The following INTS4 variants were observed in gnomAD, a reference collection of about 807,000 sequenced individuals.
The protein encoded by INTS4 is MSTP093.
INTS4 carries 70 observed loss-of-function variants against 119.5 expected under a neutral mutation model. That is an observed-to-expected ratio of 0.59 (90% CI 0.48 to 0.71). The LOEUF (loss-of-function observed/expected upper bound fraction) is 0.71, where lower values mean the gene tolerates loss of function less well. INTS4 is among the 30% of genes least tolerant of loss of function. The pLI, the probability that INTS4 is intolerant of heterozygous loss-of-function variation, is 0.00. For synonymous variants in INTS4, 316 were observed against 419.6 expected, an observed-to-expected ratio of 0.75 and a Z score of 3.02; for missense variants, 867 against 1,173.2, an observed-to-expected ratio of 0.74 and a Z score of 3.81.
Position 77,994,609 on chromosome 11 carries a change from T to G in INTS4, c.35A>C (p.Glu12Ala), listed in dbSNP as rs1856828038. ...AAHLKKRVYE[E>A]FTKVVQPQEE... ...GCTTACCTGAACCACTTTCGTGAAT[T>G]CCTCATAAACCCGCTTCTTAAGGTG... The change falls in exon 1 of 23, where the codon GAA becomes GCA. Residue 12 changes from glutamate (E) to alanine (A), a missense_variant. By Grantham distance (107) the Glu-to-Ala change is moderately radical. Around this residue, in one of 5 missense-constraint regions of INTS4, gnomAD observed 224 missense variants for 231.8 expected, o/e 0.97. Transcript: ENST00000534064. The G allele has an allele frequency of 6.2e-7, 1 of 1,613,938 alleles. No homozygotes were observed. The highest frequency in any genetic ancestry group is 1.3e-5 in the African/African-American group (1 of 74,930).
chr11:77,994,467 A>T (rs1409060470), intron 1 of INTS4, 123 bp downstream of exon 1: 10 of 756,114 alleles, frequency 1.3e-5, no homozygotes, highest in Non-Finnish European at 2.1e-5. Context: ...AATATCAGAG[A>T]TTATCAACAA....
chr11:77,897,310 G>A (rs942267137), intron 18 of INTS4, among the ~76,000 whole-genome samples: 4 of 151,294 alleles, frequency 2.6e-5, no homozygotes, highest in African/African-American at 7.3e-5. Context: ...CCTGGACAAC[G>A]CAGTGAAACC....
intron 7 of INTS4, among the ~76,000 whole-genome samples, chr11:77,957,663 C>CTTTTTT (rs1159914263): frequency 1.8e-5 from 2 of 110,708 alleles, no homozygotes; most frequent in African/African-American, 3.4e-5. Context: ...AACTGAACTT[C>CTTTTTT]TTTTTTTTTT....
At position 77,975,942 on chromosome 11, in the gene INTS4, C is replaced by T. The variant is rs189488915; in HGVS notation, c.471+3054G>A. On this transcript the variant is annotated intron_variant, in intron 4 of 22. Transcript: ENST00000534064. ...CTGCACTCCAGCCTGGGTGACAGAG[C>T]GAGACTCTATCTCAAAAAAAAAAAA... Among the ~76,000 whole-genome samples, 345 of 146,712 alleles carry T rather than the reference C, an allele frequency of 2.4e-3. 1 individual carries two copies. Among genetic ancestry groups the T allele is most frequent in the African/African-American group, 8.0e-3 (321 of 40,132 alleles).
intron 4 of INTS4, among the ~76,000 whole-genome samples, chr11:77,967,233 G>A (rs942338328): frequency 6.6e-6 from 1 of 152,270 alleles, no homozygotes; most frequent in Middle Eastern, 3.4e-3. Context: ...ATTTGGAGGT[G>A]GGGCCTTTCA....
At chr11:77,917,915 C>G (rs919776939) in intron 15 of INTS4, 41 of 605,438 alleles carry the variant, frequency 6.8e-5, no homozygotes, top group Non-Finnish European at 1.2e-4. Context: ...TGTCCTCGCT[C>G]CTTGAAGTGA....
At chr11:77,893,738 C>A (rs1952379870) in intron 19 of INTS4, among the ~76,000 whole-genome samples, 1 of 151,842 alleles carries the variant, frequency 6.6e-6, no homozygotes, top group Non-Finnish European at 1.5e-5. Flanking sequence ...ACTAAAAATA[C>A]AAAAATTAGC....
chr11:77,974,850 C>T (rs1049884131), intron 4 of INTS4, among the ~76,000 whole-genome samples: 1 of 152,148 alleles, frequency 6.6e-6, no homozygotes, highest in African/African-American at 2.4e-5. Context: ...ATCCTCCTGC[C>T]TTGACCTCTC....
At chr11:77,927,124 G>T (rs1344465729) in intron 11 of INTS4, among the ~76,000 whole-genome samples, 1 of 152,112 alleles carries the variant, frequency 6.6e-6, no homozygotes, top group Non-Finnish European at 1.5e-5. Context: ...GTAAAATTGT[G>T]AGGAAAAGCA....
chr11:77,976,354 C>T (rs897706801), intron 4 of INTS4, among the ~76,000 whole-genome samples: 2 of 152,068 alleles, frequency 1.3e-5, no homozygotes, highest in South Asian at 2.1e-4. Flanking sequence ...GCAAGACCTT[C>T]GTCTTTTTTT....
Position 77,903,555 on chromosome 11 carries a change from T to G in INTS4, c.2082A>C (p.Ser694=). Residue 694 remains serine (S), a synonymous_variant, in exon 17 of 23, where the codon TCA becomes TCC. Transcript: ENST00000534064. ...ATAAGCTTACCTGTTTCGCTGCTGC[T>G]GAGGCCAAATCACTCTGCTTCAAAT... ...PLYLKQSDLA[S]AAAKQIMEET... 6.2e-7 allele frequency: 1 copy of G among 1,613,910 alleles called. No homozygotes were observed. Among genetic ancestry groups the G allele is most frequent in the Non-Finnish European group, 8.5e-7 (1 of 1,179,836 alleles).
At chr11:77,882,085 T>A (rs978939472) in intron 22 of INTS4, among the ~76,000 whole-genome samples, 3 of 152,088 alleles carry the variant, frequency 2.0e-5, no homozygotes, top group African/African-American at 4.8e-5. Context: ...TTAACTTTTT[T>A]ATATATCTAT....
chr11:77,923,158 AAAT>A (rs1953404806), intron 12 of INTS4, among the ~76,000 whole-genome samples: 1 of 152,196 alleles, frequency 6.6e-6, no homozygotes, highest in South Asian at 2.1e-4. Flanking sequence ...TCTCTGCTAA[AAAT>A]ACAAAAATTA....
intron 9 of INTS4, 32 bp downstream of exon 9, chr11:77,941,148 A>G (rs1327513667): frequency 2.5e-6 from 4 of 1,606,896 alleles, no homozygotes; most frequent in Non-Finnish European, 3.4e-6. Context: ...GGTTACAGAA[A>G]CCCACTTTAA....
At chr11:77,937,600 C>T (rs547392544) in intron 10 of INTS4, among the ~76,000 whole-genome samples, 18 of 152,042 alleles carry the variant, frequency 1.2e-4, no homozygotes, top group Admixed American at 5.2e-4. Flanking sequence ...AAAAATTAGC[C>T]GGGCATGGTG....
At chr11:77,914,008 A>G (rs1199901854) in intron 15 of INTS4, among the ~76,000 whole-genome samples, 10 of 152,200 alleles carry the variant, frequency 6.6e-5, no homozygotes, top group Non-Finnish European at 1.5e-4. Context: ...ATCACAGAAT[A>G]TGGATTTTAG....
At chr11:77,914,268 C>A (rs912652095) in intron 15 of INTS4, among the ~76,000 whole-genome samples, 6 of 152,196 alleles carry the variant, frequency 3.9e-5, no homozygotes, top group Non-Finnish European at 8.8e-5. Flanking sequence ...GAAACCCAGA[C>A]CATGAAGGCG....
intron 15 of INTS4, chr11:77,918,100 G>A: frequency 1.4e-6 from 1 of 702,458 alleles, no homozygotes; most frequent in Non-Finnish European, 2.6e-6. Context: ...GAATTGTTAA[G>A]CAGAGGCTGC....
At chr11:77,878,172 C>T (rs1951655071), downstream of INTS4, among the ~76,000 whole-genome samples, 2 of 152,004 alleles carry the variant, frequency 1.3e-5, no homozygotes, top group East Asian at 3.8e-4. Flanking sequence ...ACCATCCTGG[C>T]TAACATGGTG....
Sources: gnomAD v4.1 joint callset for allele counts (sites outside exome capture counted in the v4.1 genomes callset) on GRCh38, gnomAD v4.1.1 for gene constraint, gnomAD v4.1.1 regional missense constraint, MANE v1.5 for transcripts, NCBI Gene and HGNC (gene_info 2026-07-23, HGNC 2026-07-21) for gene names.